SGCD: variants seen among roughly 807,000 people sequenced by gnomAD.
SGCD encodes delta-sarcoglycan.
SGCD carries 18 observed loss-of-function variants against 36.6 expected under a neutral mutation model. The ratio of observed to expected loss-of-function variants is 0.49; its 90% CI spans 0.34 to 0.73. SGCD has a LOEUF of 0.73. SGCD is among the 30% of genes least tolerant of loss of function. SGCD has a pLI of 0.01. For synonymous variants in SGCD, 133 were observed against 130.6 expected, an observed-to-expected ratio of 1.02 and a Z score of -0.12; for missense variants, 387 against 346.7, an observed-to-expected ratio of 1.12 and a Z score of -0.92.
intron 1 of SGCD, among the ~76,000 whole-genome samples, chr5:156,100,761 C>T (rs1485909766): frequency 5.9e-5 from 9 of 152,106 alleles, no homozygotes; most frequent in Non-Finnish European, 1.3e-4. Flanking sequence ...ATTTGTAATA[C>T]ATGCATTTTT....
At chr5:155,751,805 TGTG>T in the SGCD span, among the ~76,000 whole-genome samples, 1 of 152,144 alleles carries the variant, frequency 6.6e-6, no homozygotes, top group Non-Finnish European at 1.5e-5. Flanking sequence ...TTTTAACTCA[TGTG>T]GTGCCATTTT....
At chr5:156,032,807 C>T (rs78738284) in intron 1 of SGCD, among the ~76,000 whole-genome samples, 187 of 148,748 alleles carry the variant, frequency 1.3e-3, no homozygotes, top group African/African-American at 4.5e-3. Context: ...CAGTGACTCA[C>T]ATCTGTAATT....
intron 3 of SGCD, among the ~76,000 whole-genome samples, chr5:156,421,756 G>A (rs1255363089): frequency 6.6e-6 from 1 of 152,004 alleles, no homozygotes; most frequent in Admixed American, 6.6e-5. Context: ...AGATGCTACT[G>A]AAAAAGCAGG....
the SGCD span, among the ~76,000 whole-genome samples, chr5:155,810,328 A>G: frequency 0.28 from 42,083 of 152,164 alleles, 7,424 homozygotes; most frequent in East Asian, 0.44. Context: ...TGCAGAAGTC[A>G]AGTCACCTTT....
intron 4 of SGCD, among the ~76,000 whole-genome samples, chr5:156,516,110 G>A (rs1757146868): frequency 2.0e-5 from 3 of 152,220 alleles, no homozygotes; most frequent in Admixed American, 2.0e-4. Flanking sequence ...AGGAGGCCAG[G>A]CAGTCCAGAC....
At chr5:156,449,110 G>C (rs1353405575) in intron 3 of SGCD, among the ~76,000 whole-genome samples, 4 of 152,064 alleles carry the variant, frequency 2.6e-5, no homozygotes, top group Non-Finnish European at 5.9e-5. Flanking sequence ...CTTTATCAAA[G>C]CATCCAAAGC....
intron 3 of SGCD, among the ~76,000 whole-genome samples, chr5:156,405,063 G>T (rs539841043): frequency 1.8e-4 from 27 of 152,246 alleles, no homozygotes; most frequent in African/African-American, 6.3e-4. Flanking sequence ...TCAAATCTGG[G>T]TATAGAGGTC....
chr5:156,463,474 AT>A (rs553931711), intron 3 of SGCD, among the ~76,000 whole-genome samples: 2,686 of 151,686 alleles, frequency 0.018, 33 homozygotes, highest in Non-Finnish European at 0.029. Flanking sequence ...TTGAGGCACA[AT>A]TTTTTTTTAC....
chr5:156,262,351 T>C (rs151140033), intron 3 of SGCD, among the ~76,000 whole-genome samples: 89 of 152,244 alleles, frequency 5.8e-4, no homozygotes, highest in Admixed American at 1.0e-3. Context: ...CAGTATTTGG[T>C]ACAATAACAT....
chr5:156,281,464 G>A (rs986487992), intron 3 of SGCD, among the ~76,000 whole-genome samples: 1 of 152,072 alleles, frequency 6.6e-6, no homozygotes, highest in African/African-American at 2.4e-5. Context: ...GCGGGGAGTG[G>A]TAGTCATGGA....
intron 7 of SGCD, among the ~76,000 whole-genome samples, chr5:156,725,175 T>A (rs1325389230): frequency 6.6e-6 from 1 of 152,160 alleles, no homozygotes; most frequent in Non-Finnish European, 1.5e-5. Flanking sequence ...GAGACGTTGA[T>A]CAACAATATG....
chr5:156,072,250 A>T lies in SGCD; in HGVS notation c.-281-45628A>T, dbSNP rs201142346. Among the ~76,000 whole-genome samples the T allele has an allele frequency of 3.1e-3, 466 of 152,066 alleles. 2 individuals are homozygous for T. Among genetic ancestry groups the T allele is most frequent in the African/African-American group, 0.011 (440 of 41,440 alleles). ...TCGATGGTCTTTACAATTTGGCATGATTTTGCAGTGGCTGGTACCAGTTGT... is the reference window on the plus strand; with the variant it reads ...TCGATGGTCTTTACAATTTGGCATGTTTTTGCAGTGGCTGGTACCAGTTGT... On this transcript the variant is annotated intron_variant, in intron 1 of 9. Transcript: ENST00000517913.
chr5:155,769,976 G>C, the SGCD span, among the ~76,000 whole-genome samples: 1 of 151,876 alleles, frequency 6.6e-6, no homozygotes, highest in Non-Finnish European at 1.5e-5. Context: ...TTATTCATAG[G>C]ACTTGCTTCT....
intron 1 of SGCD, among the ~76,000 whole-genome samples, chr5:155,885,736 A>G (rs1267091097): frequency 6.6e-6 from 1 of 152,222 alleles, no homozygotes; most frequent in Non-Finnish European, 1.5e-5. Context: ...TTCAAAATCA[A>G]TGTTCCTTCC....
At chr5:156,686,828 A>G (rs1753922600) in intron 7 of SGCD, among the ~76,000 whole-genome samples, 1 of 152,202 alleles carries the variant, frequency 6.6e-6, no homozygotes, top group South Asian at 2.1e-4. Context: ...AGAGAATTTG[A>G]TCTTTAAGGA....
chr5:156,544,421 C>T (rs756943616), intron 4 of SGCD, among the ~76,000 whole-genome samples: 2 of 152,124 alleles, frequency 1.3e-5, no homozygotes, highest in South Asian at 4.1e-4. Flanking sequence ...AAATGTGTAA[C>T]TTTGCCAAAT....
At chr5:155,942,571 A>T (rs1757350887) in intron 1 of SGCD, among the ~76,000 whole-genome samples, 1 of 152,202 alleles carries the variant, frequency 6.6e-6, no homozygotes, top group Non-Finnish European at 1.5e-5. Flanking sequence ...CTATGCAAGT[A>T]TGAAGGCTAA....
chr5:156,470,459 C>T (rs1428918845), intron 3 of SGCD, among the ~76,000 whole-genome samples: 1 of 152,026 alleles, frequency 6.6e-6, no homozygotes, highest in African/African-American at 2.4e-5. Context: ...CGTCATTTAG[C>T]ATTAGTTATA....
intron 3 of SGCD, among the ~76,000 whole-genome samples, chr5:156,358,441 C>T (rs1769599520): frequency 6.6e-6 from 1 of 152,188 alleles, no homozygotes; most frequent in African/African-American, 2.4e-5. Context: ...TGGAAATCCT[C>T]ACCTCTTCAA....
Sources: allele counts gnomAD v4.1 joint callset (sites outside exome capture counted in the v4.1 genomes callset), GRCh38; gene constraint gnomAD v4.1.1; transcripts MANE v1.5; gene names NCBI Gene and HGNC (gene_info 2026-07-23, HGNC 2026-07-21).